RSPO2: variants seen among roughly 807,000 people sequenced by gnomAD.
RSPO2 encodes the protein R-spondin 2.
A neutral mutation model predicts 30.9 loss-of-function variants in RSPO2; 14 were observed. The observed-to-expected ratio is 0.45, with a 90% CI of 0.30 to 0.71. RSPO2 has a LOEUF of 0.71. Among genes scored for constraint, RSPO2 ranks in the 30% least tolerant of loss-of-function variants. The probability of loss-of-function intolerance (pLI) is 0.08; values close to 1 mark genes in which losing one functional copy is unlikely to be tolerated. For missense variants in RSPO2, 264 were observed against 301.9 expected, an observed-to-expected ratio of 0.87 and a Z score of 0.93; for synonymous variants, 107 against 96.4, an observed-to-expected ratio of 1.11 and a Z score of -0.64.
At chr8:107,945,864 C>T (rs1442615196) in intron 5 of RSPO2, among the ~76,000 whole-genome samples, 1 of 152,186 alleles carries the variant, frequency 6.6e-6, no homozygotes, top group Non-Finnish European at 1.5e-5. Context: ...GGCTCAGTGC[C>T]TCTTCCTGCC....
chr8:108,059,730 T>C (rs916834482), intron 2 of RSPO2, among the ~76,000 whole-genome samples: 4 of 150,092 alleles, frequency 2.7e-5, no homozygotes, highest in Non-Finnish European at 5.9e-5. Flanking sequence ...GAAATCATCA[T>C]TCTCAGTAAA....
chr8:108,063,993 T>C (rs899054578), intron 2 of RSPO2, among the ~76,000 whole-genome samples: 1 of 152,238 alleles, frequency 6.6e-6, no homozygotes, highest in African/African-American at 2.4e-5. Context: ...AAGCTGAAGC[T>C]GGATCCCTTC....
chr8:107,951,942 C>T (rs191596622), intron 5 of RSPO2, among the ~76,000 whole-genome samples: 1 of 152,202 alleles, frequency 6.6e-6, no homozygotes, highest in Non-Finnish European at 1.5e-5. Context: ...AGACCCTTAC[C>T]CTCCAATATG....
At chr8:107,904,168 C>A (rs576752584) in intron 5 of RSPO2, among the ~76,000 whole-genome samples, 1 of 151,922 alleles carries the variant, frequency 6.6e-6, no homozygotes, top group Non-Finnish European at 1.5e-5. Context: ...TCTGTGGATG[C>A]GGGATTAGAC....
chr8:108,024,569 G>A (rs547141248), intron 2 of RSPO2, among the ~76,000 whole-genome samples: 1 of 152,072 alleles, frequency 6.6e-6, no homozygotes, highest in South Asian at 2.1e-4. Context: ...AGAAACAAAA[G>A]AAATTGGTTA....
intron 3 of RSPO2, among the ~76,000 whole-genome samples, chr8:107,970,996 C>T (rs1007747727): frequency 3.3e-5 from 5 of 152,212 alleles, no homozygotes; most frequent in African/African-American, 1.2e-4. Flanking sequence ...TATCAGAATG[C>T]ATGTTACCTG....
intron 3 of RSPO2, among the ~76,000 whole-genome samples, chr8:107,966,557 T>C (rs975624221): frequency 3.3e-5 from 5 of 152,142 alleles, no homozygotes; most frequent in Non-Finnish European, 7.4e-5. Context: ...AGTGGAGTTA[T>C]AATGAATCCA....
rs985153202 is a variant in RSPO2 at position 107,928,571 on chromosome 8, T to G, written c.617-27381A>C. On this transcript the variant is annotated intron_variant, in intron 5 of 5. Transcript: ENST00000276659. ...TTCCAAATTTTGATGTATGGAATGTTTAAAAGTGGTGAGTTCCTAAAGTGG... is the reference window on the plus strand; with the variant it reads ...TTCCAAATTTTGATGTATGGAATGTGTAAAAGTGGTGAGTTCCTAAAGTGG... Among the ~76,000 whole-genome samples the G allele has an allele frequency of 3.3e-5, 5 of 152,170 alleles. 1 individual carries two copies. Among genetic ancestry groups the G allele is most frequent in the Non-Finnish European group, 1.5e-5 (1 of 68,032 alleles).
intron 5 of RSPO2, among the ~76,000 whole-genome samples, chr8:107,935,214 T>C (rs1256981761): frequency 1.3e-5 from 2 of 152,178 alleles, no homozygotes. Context: ...GATCTTGCAC[T>C]CTGGGAGTGT....
chr8:107,973,281 T>TGGGG (rs551349917), intron 3 of RSPO2, among the ~76,000 whole-genome samples: 1 of 146,052 alleles, frequency 6.8e-6, no homozygotes, highest in South Asian at 2.2e-4. Flanking sequence ...AAAAAAAAAA[T>TGGGG]GGGGGGGGAA....
At chr8:108,009,098 G>A (rs568700942) in intron 2 of RSPO2, among the ~76,000 whole-genome samples, 20 of 152,094 alleles carry the variant, frequency 1.3e-4, no homozygotes, top group Non-Finnish European at 2.8e-4. Flanking sequence ...AGGGACTGAT[G>A]ATTTTAACAA....
chr8:107,941,098 A>C (rs1016057320), intron 5 of RSPO2, among the ~76,000 whole-genome samples: 1 of 152,046 alleles, frequency 6.6e-6, no homozygotes, highest in Non-Finnish European at 1.5e-5. Flanking sequence ...CCCCCAAAAA[A>C]ATGTATAGTT....
chr8:107,946,388 G>C (rs776443219), intron 5 of RSPO2, among the ~76,000 whole-genome samples: 9 of 152,202 alleles, frequency 5.9e-5, no homozygotes, highest in Non-Finnish European at 1.0e-4. Context: ...GATGCCTTTG[G>C]AAAGGGGGGC....
At chr8:108,047,609 A>C (rs938033225) in intron 2 of RSPO2, among the ~76,000 whole-genome samples, 1 of 152,116 alleles carries the variant, frequency 6.6e-6, no homozygotes, top group Non-Finnish European at 1.5e-5. Context: ...GCACTTTTGG[A>C]GGCCAAGGCA....
At chr8:108,032,458 T>C (rs1386011574) in intron 2 of RSPO2, among the ~76,000 whole-genome samples, 1 of 152,186 alleles carries the variant, frequency 6.6e-6, no homozygotes, top group Non-Finnish European at 1.5e-5. Context: ...TTACTTATCT[T>C]CCAAATCAAT....
At chr8:107,950,719 C>T (rs1813213769) in intron 5 of RSPO2, among the ~76,000 whole-genome samples, 1 of 148,162 alleles carries the variant, frequency 6.7e-6, no homozygotes, top group African/African-American at 2.5e-5. Context: ...AAAGCAAAAA[C>T]TACTGCCTTT....
intron 2 of RSPO2, among the ~76,000 whole-genome samples, chr8:108,059,898 T>A (rs1345579696): frequency 1.3e-5 from 2 of 148,934 alleles, no homozygotes; most frequent in Non-Finnish European, 3.0e-5. Context: ...ATATACCTAA[T>A]GCTAAATGAC....
At chr8:108,024,919 C>T (rs1811161407) in intron 2 of RSPO2, among the ~76,000 whole-genome samples, 1 of 152,056 alleles carries the variant, frequency 6.6e-6, no homozygotes. Flanking sequence ...ACTTGGGAGG[C>T]TGAGGTAGGA....
Position 107,899,351 on chromosome 8 carries a change from C to A in RSPO2, c.*1724G>T, listed in dbSNP as rs1339566261. On this transcript the variant is annotated 3_prime_UTR_variant, in exon 6 of 6. Transcript: ENST00000276659. ...GTTTTTAATGCACAAAAAAGAACAT[C>A]CCAGGAACAACAGGTATTGACTTAT... 6 of 152,600 alleles carry A rather than the reference C, an allele frequency of 3.9e-5. No individual in the cohort carries two copies. The East Asian group carries it at 1.2e-3, about 29-fold the overall frequency. The allele number at this position is 152,600 out of a possible 1,614,324, so 9.5% of individuals were successfully genotyped here.
Sources: allele counts gnomAD v4.1 joint callset (sites outside exome capture counted in the v4.1 genomes callset), GRCh38; gene constraint gnomAD v4.1.1; transcripts MANE v1.5; gene names NCBI Gene and HGNC (gene_info 2026-07-23, HGNC 2026-07-21).